Variants in PLPPR1 observed in about 807,000 individuals in gnomAD.
PLPPR1 encodes phospholipid phosphatase-related protein type 1.
Under a neutral mutation model 33.1 loss-of-function variants are expected in PLPPR1, and 10 were observed. The observed-to-expected ratio is 0.30, with a 90% confidence interval of 0.19 to 0.51. The LOEUF is 0.51. PLPPR1 is among the 20% of genes least tolerant of loss of function. PLPPR1 has a pLI of 0.97. For missense variants in PLPPR1, 304 were observed against 408.1 expected (o/e 0.74, Z 2.20); for synonymous variants, 151 against 151.0 (o/e 1.00, Z 0.00).
intron 1 of PLPPR1, among the ~76,000 whole-genome samples, chr9:101,160,316 G>A (rs996429312): frequency 2.0e-5 from 3 of 152,184 alleles, no homozygotes; most frequent in Admixed American, 1.3e-4. Context: ...AGTAAAATGA[G>A]ATGGTAATCT....
rs972821673 is a variant in PLPPR1, at chr9:101,189,303, T to TATCA, written c.63+3749_63+3752dup. On this transcript the variant is annotated intron_variant, in intron 2 of 7. Coordinates refer to ENST00000374874, the MANE Select transcript of PLPPR1 (RefSeq NM_207299.2). ...ATTGGCAATTTGTTGAAAGAGTCAT[T>TATCA]ATCAATAGAAAGGAATGTCCGGTTT... Among the ~76,000 whole-genome samples, 23 of 152,224 alleles carry TATCA rather than the reference T, an allele frequency of 1.5e-4. No homozygotes were observed. In the South Asian group the frequency reaches 4.4e-3, roughly 29 times the overall value.
At chr9:101,075,569 GA>G (rs34987649) in intron 1 of PLPPR1, among the ~76,000 whole-genome samples, 1 of 152,128 alleles carries the variant, frequency 6.6e-6, no homozygotes, top group Non-Finnish European at 1.5e-5. Context: ...GGTGCCTAGT[GA>G]AAAAAGCTCT....
At chr9:101,116,778 C>T (rs1275747697) in intron 1 of PLPPR1, among the ~76,000 whole-genome samples, 2 of 147,312 alleles carry the variant, frequency 1.4e-5, no homozygotes, top group Admixed American at 6.8e-5. Context: ...CACTGCACTC[C>T]AGCCTGGTGA....
intron 1 of PLPPR1, among the ~76,000 whole-genome samples, chr9:101,149,658 A>G (rs554453430): frequency 4.6e-5 from 7 of 152,310 alleles, no homozygotes; most frequent in African/African-American, 1.7e-4. Flanking sequence ...GTTGTCATAT[A>G]TCTTCTATAT....
intron 2 of PLPPR1, among the ~76,000 whole-genome samples, chr9:101,236,667 T>G (rs756963371): frequency 4.0e-5 from 6 of 151,734 alleles, no homozygotes; most frequent in Admixed American, 4.0e-4. Flanking sequence ...AGTGATATTT[T>G]GATACATGTA....
At chr9:101,287,940 C>T (rs76272206) in intron 4 of PLPPR1, among the ~76,000 whole-genome samples, 3 of 152,072 alleles carry the variant, frequency 2.0e-5, no homozygotes, top group Non-Finnish European at 4.4e-5. Context: ...GACTACTGTC[C>T]GATCTATTTC....
chr9:101,160,831 T>C (rs553780487), intron 1 of PLPPR1, among the ~76,000 whole-genome samples: 98 of 152,298 alleles, frequency 6.4e-4, no homozygotes, highest in African/African-American at 2.3e-3. Context: ...TAACCTCTTA[T>C]ATGCATTCAA....
At chr9:101,078,048 G>C (rs1314111312) in intron 1 of PLPPR1, among the ~76,000 whole-genome samples, 4 of 143,646 alleles carry the variant, frequency 2.8e-5, no homozygotes, top group African/African-American at 1.0e-4. Flanking sequence ...AAAGTCAAAT[G>C]GCTTTACCTG....
intron 4 of PLPPR1, among the ~76,000 whole-genome samples, chr9:101,299,526 A>G (rs954826392): frequency 2.0e-5 from 3 of 152,164 alleles, no homozygotes; most frequent in Non-Finnish European, 2.9e-5. Flanking sequence ...GTGAGCCAGA[A>G]TATTACAGAT....
At chr9:101,292,502 A>G (rs1166428086) in intron 4 of PLPPR1, among the ~76,000 whole-genome samples, 1 of 152,096 alleles carries the variant, frequency 6.6e-6, no homozygotes, top group African/African-American at 2.4e-5. Flanking sequence ...GATTCACCAA[A>G]GTTGAAATGA....
At chr9:101,211,577 T>C (rs1284695356) in intron 2 of PLPPR1, among the ~76,000 whole-genome samples, 1 of 152,166 alleles carries the variant, frequency 6.6e-6, no homozygotes, top group African/African-American at 2.4e-5. Context: ...CTCAGTTGTG[T>C]CCATTCTGGG....
intron 2 of PLPPR1, among the ~76,000 whole-genome samples, chr9:101,201,044 C>G (rs148010230): frequency 1.3e-5 from 2 of 152,248 alleles, no homozygotes; most frequent in African/African-American, 4.8e-5. Flanking sequence ...AAGTATTTTT[C>G]ACGGTTCTGG....
At chr9:101,101,522 GA>G (rs571219244) in intron 1 of PLPPR1, among the ~76,000 whole-genome samples, 2,763 of 127,354 alleles carry the variant, frequency 0.022, 51 homozygotes, top group African/African-American at 0.054. Flanking sequence ...AATTCAAATG[GA>G]AAAAAAAAAA....
At chr9:101,206,848 A>G (rs1826597371) in intron 2 of PLPPR1, among the ~76,000 whole-genome samples, 1 of 152,106 alleles carries the variant, frequency 6.6e-6, no homozygotes, top group Non-Finnish European at 1.5e-5. Context: ...GATTTCAAGC[A>G]CCACCAGGAC....
chr9:101,181,831 GTATATATATAGTGTGCATGTGTGTA>G (rs1826119209), intron 1 of PLPPR1, among the ~76,000 whole-genome samples: 1 of 146,602 alleles, frequency 6.8e-6, no homozygotes, highest in African/African-American at 2.5e-5. Flanking sequence ...CACCTAGGTA[GTATATATATAGTGTGCATGTGTGTA>G]TATATATATA....
chr9:101,205,806 T>C (rs1179188098), intron 2 of PLPPR1, among the ~76,000 whole-genome samples: 1 of 152,220 alleles, frequency 6.6e-6, no homozygotes, highest in Non-Finnish European at 1.5e-5. Context: ...CTGTAAATGG[T>C]CTATGAGTGT....
chr9:101,092,810 TC>T (rs112120765), intron 1 of PLPPR1, among the ~76,000 whole-genome samples: 8,118 of 152,174 alleles, frequency 0.053, 393 homozygotes, highest in African/African-American at 0.12. Flanking sequence ...GGAGGTGGGA[TC>T]TTTGAAAGGG....
At chr9:101,223,167 AAAAAAG>A (rs1564181771) in intron 2 of PLPPR1, among the ~76,000 whole-genome samples, 4 of 113,656 alleles carry the variant, frequency 3.5e-5, no homozygotes, top group Admixed American at 2.0e-4. Flanking sequence ...AAAAAAAAAA[AAAAAAG>A]AAAAGAAAAA....
In PLPPR1 at chr9:101,324,198, A is replaced by G; in HGVS notation, c.*141A>G. ...AGCTAATGTTTTGTACATTTTTTGTATGAGGAAGTGATGTAGCTTGCCCTG... is the reference window on the plus strand; with the variant it reads ...AGCTAATGTTTTGTACATTTTTTGTGTGAGGAAGTGATGTAGCTTGCCCTG... On this transcript the variant is annotated 3_prime_UTR_variant, in exon 8 of 8. Transcript: ENST00000374874. The G allele has an allele frequency of 1.7e-6, 1 of 580,162 alleles. No individual in the cohort carries two copies. Among genetic ancestry groups the G allele is most frequent in the East Asian group, 3.3e-5 (1 of 30,758 alleles). The allele number at this position is 580,162 out of a possible 1,614,324, so 35.9% of individuals were successfully genotyped here.
Sources: gnomAD v4.1 joint callset for allele counts (sites outside exome capture counted in the v4.1 genomes callset) on GRCh38, gnomAD v4.1.1 for gene constraint, MANE v1.5 for transcripts, NCBI Gene and HGNC (gene_info 2026-07-23, HGNC 2026-07-21) for gene names.